The following EPHA3 variants were observed in gnomAD, a reference collection of about 807,000 sequenced individuals.
The protein encoded by EPHA3 is ephrin type-A receptor 3.
Under a neutral mutation model 107.1 loss-of-function variants are expected in EPHA3, and 42 were observed. The observed-to-expected ratio is 0.39, with a 90% CI of 0.31 to 0.51. The LOEUF is 0.51. EPHA3 is among the 20% of genes least tolerant of loss of function. The pLI, the probability that EPHA3 is intolerant of heterozygous loss-of-function variation, is 0.78. For synonymous variants in EPHA3, 461 were observed against 424.8 expected (o/e 1.09, Z -1.05); for missense variants, 1,183 against 1,211.2 (o/e 0.98, Z 0.35).
intron 15 of EPHA3, among the ~76,000 whole-genome samples, chr3:89,470,540 A>G (rs1710378373): frequency 6.6e-6 from 1 of 152,214 alleles, no homozygotes; most frequent in South Asian, 2.1e-4. Context: ...AGATGAGGAA[A>G]CAGACAAGAA....
chr3:89,211,731 CTT>C (rs1704095825), intron 3 of EPHA3, among the ~76,000 whole-genome samples: 1 of 10,320 alleles, frequency 9.7e-5, no homozygotes, highest in African/African-American at 2.3e-4. Flanking sequence ...TCTTTTTCTT[CTT>C]CTTCTTCTCC....
At chr3:89,322,742 C>A (rs1279046584) in intron 3 of EPHA3, among the ~76,000 whole-genome samples, 2 of 152,068 alleles carry the variant, frequency 1.3e-5, no homozygotes, top group Non-Finnish European at 1.5e-5. Flanking sequence ...CTGAGGAGAT[C>A]CATTCAGCTT....
chr3:89,216,139 G>C (rs529424881), intron 3 of EPHA3, among the ~76,000 whole-genome samples: 1 of 152,016 alleles, frequency 6.6e-6, no homozygotes, highest in South Asian at 2.1e-4. Context: ...TGTCCATTAA[G>C]CAGTTTATTT....
chr3:89,129,562 A>G (rs75554750), intron 2 of EPHA3, among the ~76,000 whole-genome samples: 2,041 of 151,692 alleles, frequency 0.013, 51 homozygotes, highest in African/African-American at 0.047. Context: ...CATAATATAT[A>G]TAAGGAAATA....
chr3:89,415,467 A>AATATATATATATATATATATAT lies in EPHA3; in HGVS notation c.1888+2205_1888+2226dup, dbSNP rs71621548. On this transcript the variant is annotated intron_variant, in intron 10 of 16. Transcript: ENST00000336596. Reference sequence around the variant, plus strand: ...CAGAGTCAATTAAATTTACAGAAAGAATATATATATATATATATATATATA... The same window carrying AATATATATATATATATATATAT: ...CAGAGTCAATTAAATTTACAGAAAGAATATATATATATATATATATATATATATATATATATATATATATATA... Among the ~76,000 whole-genome samples, 580 of 131,438 alleles carry AATATATATATATATATATATAT rather than the reference A, an allele frequency of 4.4e-3. 5 individuals are homozygous for AATATATATATATATATATATAT. Among genetic ancestry groups the AATATATATATATATATATATAT allele is most frequent in the Non-Finnish European group, 7.0e-3 (431 of 61,270 alleles). 86.2% of individuals were successfully genotyped at this position (131,438 alleles called of 152,430 possible). A position where few individuals can be genotyped will look rare whatever the true frequency, so the allele number is the denominator to read the frequency against.
At chr3:89,137,864 C>G (rs1172471332) in intron 2 of EPHA3, among the ~76,000 whole-genome samples, 1 of 151,900 alleles carries the variant, frequency 6.6e-6, no homozygotes, top group East Asian at 1.9e-4. Context: ...ACTAACAGAT[C>G]AAAATTGTTA....
Position 89,210,486 on chromosome 3 carries a change from T to C in EPHA3, c.780T>C (p.Asn260=). 2 of 1,571,114 alleles carry C rather than the reference T, an allele frequency of 1.3e-6. No homozygotes were observed. Among genetic ancestry groups the C allele is most frequent in the Non-Finnish European group, 1.7e-6 (2 of 1,163,128 alleles). ...TACCCATTGGCAAGTGTTCCTGCAATGCTGGCTATGAAGAAAGAGGTTTTA... is the reference window on the plus strand; with the variant it reads ...TACCCATTGGCAAGTGTTCCTGCAACGCTGGCTATGAAGAAAGAGGTTTTA... ...WLVPIGKCSC[N]AGYEERGFMC... The change falls in exon 3 of 17, where the codon AAT becomes AAC. Residue 260 remains asparagine, a synonymous_variant. Coordinates refer to ENST00000336596, the MANE Select transcript of EPHA3 (RefSeq NM_005233.6).
At chr3:89,278,208 C>T (rs1481207090) in intron 3 of EPHA3, among the ~76,000 whole-genome samples, 1 of 152,066 alleles carries the variant, frequency 6.6e-6, no homozygotes, top group Non-Finnish European at 1.5e-5. Flanking sequence ...AAGATTTATT[C>T]TTAATCCCAG....
intron 5 of EPHA3, 43 bp downstream of exon 5, chr3:89,342,133 C>G: frequency 6.6e-7 from 1 of 1,521,306 alleles, no homozygotes. Context: ...CATATCACGT[C>G]TGAGTAATGG....
At chr3:89,254,754 AT>A (rs1244436509) in intron 3 of EPHA3, among the ~76,000 whole-genome samples, 1 of 152,202 alleles carries the variant, frequency 6.6e-6, no homozygotes, top group Non-Finnish European at 1.5e-5. Flanking sequence ...CCATCTTTCA[AT>A]GTGTGACTAC....
chr3:89,130,724 T>G (rs1040167577), intron 2 of EPHA3, among the ~76,000 whole-genome samples: 1 of 149,260 alleles, frequency 6.7e-6, no homozygotes, highest in African/African-American at 2.5e-5. Context: ...AAGCTCCGCC[T>G]CCCGGGTTCA....
intron 2 of EPHA3, among the ~76,000 whole-genome samples, chr3:89,201,884 A>C (rs1559597616): frequency 6.6e-6 from 1 of 152,170 alleles, no homozygotes; most frequent in Non-Finnish European, 1.5e-5. Context: ...TGTGAACTTC[A>C]AGTACTTGTC....
intron 3 of EPHA3, among the ~76,000 whole-genome samples, chr3:89,247,185 C>T (rs1161918991): frequency 6.6e-6 from 1 of 152,178 alleles, no homozygotes; most frequent in African/African-American, 2.4e-5. Context: ...TAAAGTAAAT[C>T]ATTTCAGGGC....
intron 5 of EPHA3, among the ~76,000 whole-genome samples, chr3:89,348,275 T>C (rs1324772695): frequency 2.2e-5 from 3 of 139,366 alleles, no homozygotes; most frequent in Non-Finnish European, 4.7e-5. Flanking sequence ...AACTATTGAT[T>C]ATTGCCACAA....
chr3:89,241,860 G>GT (rs1240190922), intron 3 of EPHA3, among the ~76,000 whole-genome samples: 1 of 152,016 alleles, frequency 6.6e-6, no homozygotes, highest in Non-Finnish European at 1.5e-5. Flanking sequence ...TAAACTAATT[G>GT]TTTTTTCCAA....
At chr3:89,139,791 T>A (rs1405636187) in intron 2 of EPHA3, among the ~76,000 whole-genome samples, 1 of 151,742 alleles carries the variant, frequency 6.6e-6, no homozygotes, top group Non-Finnish European at 1.5e-5. Flanking sequence ...GCTCTTTTCA[T>A]TCCTCCTCTC....
At chr3:89,460,660 G>T (rs1191155832) in intron 15 of EPHA3, among the ~76,000 whole-genome samples, 2 of 146,746 alleles carry the variant, frequency 1.4e-5, no homozygotes, top group Non-Finnish European at 3.0e-5. Context: ...TATCCTTCAA[G>T]ACAAATCGAA....
intron 3 of EPHA3, among the ~76,000 whole-genome samples, chr3:89,281,172 C>T (rs865854547): frequency 4.6e-5 from 7 of 152,024 alleles, no homozygotes; most frequent in East Asian, 1.9e-4. Flanking sequence ...TACAGGCCCA[C>T]GCCGCCACGC....
intron 3 of EPHA3, among the ~76,000 whole-genome samples, chr3:89,286,409 C>T (rs1044909458): frequency 6.6e-6 from 1 of 151,862 alleles, no homozygotes; most frequent in African/African-American, 2.4e-5. Flanking sequence ...TCCTCTGGCT[C>T]TGTGTTGGAA....
Sources: allele counts gnomAD v4.1 joint callset (sites outside exome capture counted in the v4.1 genomes callset), GRCh38; gene constraint gnomAD v4.1.1; transcripts MANE v1.5; gene names NCBI Gene and HGNC (gene_info 2026-07-23, HGNC 2026-07-21).